The following SYT1 variants were observed in gnomAD, a reference collection of about 807,000 sequenced individuals.
SYT1 encodes synaptotagmin 1, also known as synaptotagmin-1.
In SYT1, 8 loss-of-function variants were observed where a neutral mutation model predicts 44.8. The ratio of observed to expected loss-of-function variants is 0.18; its 90% CI spans 0.10 to 0.32. The LOEUF is 0.32. SYT1 is among the 10% of genes least tolerant of loss of function. The pLI, the probability that SYT1 is intolerant of heterozygous loss-of-function variation, is 1.00. For missense variants in SYT1, 286 were observed against 509.3 expected (o/e 0.56, Z 4.22); for synonymous variants, 154 against 188.8 (o/e 0.82, Z 1.51).
intron 3 of SYT1, among the ~76,000 whole-genome samples, chr12:79,083,084 A>G (rs1877145805): frequency 6.6e-6 from 1 of 152,156 alleles, no homozygotes; most frequent in Non-Finnish European, 1.5e-5. Context: ...ATATTTAAAA[A>G]ACAAATAAAT....
intron 3 of SYT1, among the ~76,000 whole-genome samples, chr12:79,084,568 G>T (rs1877255708): frequency 6.6e-6 from 1 of 152,046 alleles, no homozygotes; most frequent in Admixed American, 6.6e-5. Flanking sequence ...ATTCACACTG[G>T]ACTTGCAGAG....
At chr12:78,995,290 C>A (rs1383210933) in intron 2 of SYT1, among the ~76,000 whole-genome samples, 1 of 152,154 alleles carries the variant, frequency 6.6e-6, no homozygotes, top group Non-Finnish European at 1.5e-5. Context: ...GTGTCTATAT[C>A]CACTTTTAGA....
chr12:79,297,696 A>G (rs930688734), intron 7 of SYT1, among the ~76,000 whole-genome samples: 12 of 152,142 alleles, frequency 7.9e-5, no homozygotes, highest in Non-Finnish European at 1.5e-4. Flanking sequence ...ATATTCTGCT[A>G]TATTAAAAAA....
chr12:79,186,650 C>A (rs563415582), intron 3 of SYT1, among the ~76,000 whole-genome samples: 3 of 151,944 alleles, frequency 2.0e-5, no homozygotes, highest in Non-Finnish European at 4.4e-5. Context: ...GTGAAAAAAT[C>A]GGAAGTAGAC....
intron 3 of SYT1, among the ~76,000 whole-genome samples, chr12:79,193,133 A>G (rs968451662): frequency 3.3e-5 from 5 of 152,222 alleles, no homozygotes; most frequent in African/African-American, 4.8e-5. Flanking sequence ...AAATAAATCC[A>G]GGAAACAATT....
At chr12:79,145,859 G>A (rs572032472) in intron 3 of SYT1, among the ~76,000 whole-genome samples, 3 of 151,026 alleles carry the variant, frequency 2.0e-5, no homozygotes, top group East Asian at 1.9e-4. Context: ...CCGGGTTCAC[G>A]CCATTCTCCT....
At chr12:78,931,789 T>A (rs1052124409) in intron 1 of SYT1, among the ~76,000 whole-genome samples, 4 of 152,142 alleles carry the variant, frequency 2.6e-5, no homozygotes, top group African/African-American at 9.7e-5. Context: ...GAGAAGCCCT[T>A]TGGGTACAAA....
At chr12:79,330,381 C>T (rs969901646) in intron 8 of SYT1, among the ~76,000 whole-genome samples, 1 of 152,170 alleles carries the variant, frequency 6.6e-6, no homozygotes, top group African/African-American at 2.4e-5. Flanking sequence ...CTAACAGTAT[C>T]GTACTGGCAT....
In SYT1 at chr12:78,965,921, AC is replaced by A. The variant is rs776885162; in HGVS notation, c.-216-11877del. The stretch of plus-strand genomic sequence containing the variant: ...TTGAAACCCCGTCTCTACTAAAAAT[AC>A]AAAAATTAGCCGGGCACGGTGGCAG... On this transcript the variant is annotated intron_variant, in intron 1 of 10. Coordinates refer to ENST00000261205, the MANE Select transcript of SYT1 (RefSeq NM_005639.3). Among the ~76,000 whole-genome samples the A allele has an allele frequency of 1.1e-4, 16 of 152,082 alleles. 1 individual carries two copies. Among genetic ancestry groups the A allele is most frequent in the East Asian group, 5.8e-4 (3 of 5,166 alleles).
In SYT1 at chr12:79,048,802, G is replaced by A. The variant is rs112174616; in HGVS notation, c.-18+1440G>A. Among the ~76,000 whole-genome samples, 372 of 151,878 alleles carry A rather than the reference G, an allele frequency of 2.4e-3. 2 individuals are homozygous for A. Among genetic ancestry groups the A allele is most frequent in the Middle Eastern group, 0.01 (3 of 294 alleles). ...CAATTTTTGAAACCTGCAAATCTGC[G>A]TGAGTTACAAGATATGAAATAAGTG... On this transcript the variant is annotated intron_variant, in intron 3 of 10. Coordinates refer to ENST00000261205, the MANE Select transcript of SYT1 (RefSeq NM_005639.3).
chr12:79,340,704 C>A (rs1882328801), intron 8 of SYT1, among the ~76,000 whole-genome samples: 1 of 152,200 alleles, frequency 6.6e-6, no homozygotes, highest in East Asian at 1.9e-4. Flanking sequence ...CAATTTCATA[C>A]CATGATGGAT....
At chr12:79,155,611 C>G (rs1030098204) in intron 3 of SYT1, among the ~76,000 whole-genome samples, 1 of 152,166 alleles carries the variant, frequency 6.6e-6, no homozygotes, top group African/African-American at 2.4e-5. Flanking sequence ...CCCTAAATAA[C>G]ACAAAATATG....
intron 1 of SYT1, among the ~76,000 whole-genome samples, chr12:78,931,640 T>C (rs1425661497): frequency 6.6e-6 from 1 of 152,146 alleles, no homozygotes; most frequent in Non-Finnish European, 1.5e-5. Flanking sequence ...CAGGAGTTAT[T>C]TTAACAATTT....
rs2137979026 is a variant in SYT1, at chr12:79,086,814, T to C, written c.-18+39452T>C. 1.3e-5 allele frequency among the ~76,000 whole-genome samples: 2 copies of C among 152,312 alleles called. 1 individual carries two copies. Among genetic ancestry groups the C allele is most frequent in the Middle Eastern group, 6.8e-3 (2 of 294 alleles). ...TCTCCCAAGGCTGTTGCGTGCTGTG[T>C]GCAGCATATCTAAGCTGAAAAACTA... On this transcript the variant is annotated intron_variant, in intron 3 of 10. Transcript: ENST00000261205.
intron 9 of SYT1, among the ~76,000 whole-genome samples, chr12:79,405,010 A>G (rs1417010544): frequency 6.6e-6 from 1 of 152,196 alleles, no homozygotes; most frequent in Non-Finnish European, 1.5e-5. Flanking sequence ...GAACATTCTC[A>G]CACTGAGCAA....
intron 3 of SYT1, among the ~76,000 whole-genome samples, chr12:79,051,798 T>C (rs977391665): frequency 2.6e-5 from 4 of 152,050 alleles, no homozygotes; most frequent in South Asian, 2.1e-4. Context: ...CTTTCCCCAT[T>C]GCTTGTTTTT....
intron 2 of SYT1, among the ~76,000 whole-genome samples, chr12:78,993,173 C>A (rs1315941143): frequency 2.0e-5 from 3 of 152,130 alleles, no homozygotes; most frequent in Non-Finnish European, 4.4e-5. Context: ...ACTGTCAGGC[C>A]TAAATTATCC....
chr12:79,179,243 GATATAGATATAGATATAGAT>G (rs1872224397), intron 3 of SYT1, among the ~76,000 whole-genome samples: 1 of 60,592 alleles, frequency 1.7e-5, no homozygotes, highest in Non-Finnish European at 2.4e-5. Context: ...TAGATATATA[GATATAGATATAGATATAGAT>G]ATATAGATAT....
At chr12:79,036,191 C>G (rs1158569631) in intron 2 of SYT1, among the ~76,000 whole-genome samples, 1 of 151,708 alleles carries the variant, frequency 6.6e-6, no homozygotes, top group African/African-American at 2.4e-5. Context: ...GTTGTCAAGA[C>G]TAAATGAGCA....
Sources: gnomAD v4.1 joint callset for allele counts (sites outside exome capture counted in the v4.1 genomes callset) on GRCh38, gnomAD v4.1.1 for gene constraint, MANE v1.5 for transcripts, NCBI Gene and HGNC (gene_info 2026-07-23, HGNC 2026-07-21) for gene names.